PCSK5: variants seen among roughly 807,000 people sequenced by gnomAD.
PCSK5 encodes the protein proprotein convertase subtilisin/kexin type 5, also known as prohormone convertase 5.
PCSK5 carries 129 observed loss-of-function variants against 233.2 expected under a neutral mutation model. The observed-to-expected ratio is 0.55, with a 90% CI of 0.48 to 0.64. PCSK5 has a LOEUF of 0.64. PCSK5 is among the 30% of genes least tolerant of loss of function. The pLI, the probability that PCSK5 is intolerant of heterozygous loss-of-function variation, is 0.00. For missense variants in PCSK5, 2,076 were observed against 2,430.1 expected (o/e 0.85, Z 3.06); for synonymous variants, 825 against 879.2 (o/e 0.94, Z 1.09).
At chr9:75,956,033 C>T (rs1351136131) in intron 2 of PCSK5, among the ~76,000 whole-genome samples, 4 of 152,188 alleles carry the variant, frequency 2.6e-5, no homozygotes, top group Non-Finnish European at 4.4e-5. Flanking sequence ...GCTAAAGCGT[C>T]CAGGCTGTAC....
At chr9:75,983,481 A>T (rs373473160) in intron 2 of PCSK5, among the ~76,000 whole-genome samples, 6 of 152,296 alleles carry the variant, frequency 3.9e-5, no homozygotes, top group Admixed American at 1.3e-4. Flanking sequence ...CACAATGTTT[A>T]CTTGGACCAA....
intron 24 of PCSK5, among the ~76,000 whole-genome samples, chr9:76,278,024 C>T (rs1467876500): frequency 6.6e-6 from 1 of 152,132 alleles, no homozygotes; most frequent in Non-Finnish European, 1.5e-5. Context: ...CAAAACAATT[C>T]AAGTATTGGC....
intron 36 of PCSK5, among the ~76,000 whole-genome samples, chr9:76,351,499 A>AGAAAGAAAGAAAGAAAGAAAGAAAGAAG (rs1830141678): frequency 1.7e-5 from 1 of 57,656 alleles, no homozygotes; most frequent in Non-Finnish European, 4.9e-5. Flanking sequence ...AAAGAAAGAA[A>AGAAAGAAAGAAAGAAAGAAAGAAAGAAG]GAAAGAAAGA....
rs1255192943 is a variant in PCSK5, at chr9:76,227,503, G to A, written c.2627G>A (p.Gly876Glu). 1 of 1,606,422 alleles carries A rather than the reference G, an allele frequency of 6.2e-7. No individual in the cohort carries two copies. The highest frequency in any genetic ancestry group is 8.5e-7 in the Non-Finnish European group (1 of 1,175,008). ...TAAACAACTAGATTTTGTTCCCCAG[G>A]AGAATATGTTGATGAGCATGGCCAC... Reference protein sequence around the residue: ...MCQMGAICKDGEYVDEHGHCQ... With the variant: ...MCQMGAICKDEEYVDEHGHCQ... The change falls in exon 21 of 38, where the codon GGA becomes GAA. Residue 876 changes from glycine to glutamate, a missense_variant and splice_region_variant. Gly to Glu is a moderately conservative substitution (Grantham distance 98). This residue lies in a region of PCSK5 where 1,510 missense variants were observed against 1,538.1 expected (regional missense o/e 0.98). Transcript: ENST00000674117.
intron 7 of PCSK5, among the ~76,000 whole-genome samples, chr9:76,074,122 C>T (rs1830566033): frequency 6.6e-6 from 1 of 152,146 alleles, no homozygotes; most frequent in African/African-American, 2.4e-5. Context: ...TGGGTAACCA[C>T]TGTTAAGAGT....
chr9:76,071,254 T>C (rs367912725), intron 6 of PCSK5, among the ~76,000 whole-genome samples: 1 of 152,232 alleles, frequency 6.6e-6, no homozygotes, highest in Admixed American at 6.5e-5. Context: ...ATCAATCTTA[T>C]GATTAGGGGC....
intron 15 of PCSK5, among the ~76,000 whole-genome samples, chr9:76,180,726 A>G (rs1266125545): frequency 6.6e-6 from 1 of 152,124 alleles, no homozygotes; most frequent in Non-Finnish European, 1.5e-5. Context: ...TTCCTGCTGT[A>G]AGTCTGCTGG....
chr9:76,145,876 C>A (rs930872796), intron 10 of PCSK5, among the ~76,000 whole-genome samples: 5 of 152,128 alleles, frequency 3.3e-5, no homozygotes, highest in Non-Finnish European at 5.9e-5. Context: ...TAAACCAAAT[C>A]CAAAGGCTCA....
chr9:76,000,048 G>C (rs991608937), intron 3 of PCSK5, among the ~76,000 whole-genome samples: 1 of 152,160 alleles, frequency 6.6e-6, no homozygotes, highest in Admixed American at 6.5e-5. Flanking sequence ...CTAATATTCA[G>C]AATCTACAAA....
At chr9:76,191,439 A>T (rs1048500543) in intron 20 of PCSK5, among the ~76,000 whole-genome samples, 4 of 149,686 alleles carry the variant, frequency 2.7e-5, no homozygotes, top group African/African-American at 9.7e-5. Context: ...ACCATCTGTA[A>T]AAAATGAAGA....
chr9:76,157,076 C>T lies in PCSK5; in HGVS notation c.1344C>T (p.Asp448=), dbSNP rs141381020. Reference sequence around the variant, plus strand: ...ATCTTTATGGATTTGGACTGATGGACGCAGAAGCCATGGTGATGGAGGCAG... The same window carrying T: ...ATCTTTATGGATTTGGACTGATGGATGCAGAAGCCATGGTGATGGAGGCAG... The part of the protein sequence containing the change: ...VSHLYGFGLM[D]AEAMVMEAEK... Residue 448 remains aspartate (D), a synonymous_variant, in exon 11 of 38, where the codon GAC becomes GAT. Coordinates refer to ENST00000674117, the MANE Select transcript of PCSK5 (RefSeq NM_001372043.1). 23 of 1,613,774 alleles carry T rather than the reference C, an allele frequency of 1.4e-5. No homozygotes were observed. Among genetic ancestry groups the T allele is most frequent in the South Asian group, 8.8e-5 (8 of 91,080 alleles).
intron 15 of PCSK5, among the ~76,000 whole-genome samples, chr9:76,181,190 T>C (rs1823855691): frequency 6.6e-6 from 1 of 152,192 alleles, no homozygotes; most frequent in Admixed American, 6.5e-5. Context: ...CCTTGGTAGA[T>C]TTGGTGTTGG....
chr9:76,243,013 A>T (rs1172676464), intron 24 of PCSK5, among the ~76,000 whole-genome samples: 2 of 152,212 alleles, frequency 1.3e-5, no homozygotes, highest in African/African-American at 2.4e-5. Context: ...CAGTGACAAG[A>T]AAACCATGGT....
At chr9:76,231,692 C>T (rs1293145794) in intron 21 of PCSK5, among the ~76,000 whole-genome samples, 1 of 152,122 alleles carries the variant, frequency 6.6e-6, no homozygotes, top group Non-Finnish European at 1.5e-5. Context: ...GTAACTGGTG[C>T]CAGGGTGGGG....
chr9:76,264,576 T>TA (rs1827278091), intron 24 of PCSK5, among the ~76,000 whole-genome samples: 1 of 151,582 alleles, frequency 6.6e-6, no homozygotes, highest in African/African-American at 2.4e-5. Context: ...ACAAGCAAAA[T>TA]AAAAAACCTT....
At chr9:76,331,261 T>C (rs572458084) in intron 33 of PCSK5, among the ~76,000 whole-genome samples, 1 of 152,306 alleles carries the variant, frequency 6.6e-6, no homozygotes, top group African/African-American at 2.4e-5. Flanking sequence ...AATGTATTAC[T>C]CTACTTGGTA....
intron 6 of PCSK5, among the ~76,000 whole-genome samples, chr9:76,068,290 T>C (rs536013898): frequency 3.9e-5 from 6 of 151,998 alleles, no homozygotes; most frequent in African/African-American, 1.5e-4. Flanking sequence ...TTGAAAAAAA[T>C]GTTATCTAGT....
chr9:76,209,023 A>T (rs1825225002), intron 20 of PCSK5, among the ~76,000 whole-genome samples: 2 of 152,230 alleles, frequency 1.3e-5, no homozygotes, highest in East Asian at 3.8e-4. Context: ...TGCATTAAAA[A>T]CTGGATTCAC....
intron 20 of PCSK5, among the ~76,000 whole-genome samples, chr9:76,216,976 G>T (rs1245384740): frequency 6.6e-6 from 1 of 152,172 alleles, no homozygotes; most frequent in Non-Finnish European, 1.5e-5. Context: ...AAGTAGCTGG[G>T]ACTACAGGCA....
Sources: gnomAD v4.1 joint callset for allele counts (sites outside exome capture counted in the v4.1 genomes callset) on GRCh38, gnomAD v4.1.1 for gene constraint, gnomAD v4.1.1 regional missense constraint, MANE v1.5 for transcripts, NCBI Gene and HGNC (gene_info 2026-07-23, HGNC 2026-07-21) for gene names.